The following RSF1 variants were observed in gnomAD, a reference collection of about 807,000 sequenced individuals.
RSF1 encodes remodeling and spacing factor 1, also known as HBV pX-associated protein 8.
In RSF1, 13 loss-of-function variants were observed where a neutral mutation model predicts 145.2. The observed-to-expected ratio is 0.09, with a 90% confidence interval of 0.06 to 0.14. The LOEUF is 0.14. Ranked by LOEUF, RSF1 falls within the 10% of genes least tolerant of loss-of-function variation. The pLI is 1.00. For missense variants in RSF1, 1,517 were observed against 1,718.2 expected (o/e 0.88, Z 2.07); for synonymous variants, 577 against 592.6 (o/e 0.97, Z 0.38).
At chr11:77,808,496 T>A (rs1219471960) in intron 1 of RSF1, among the ~76,000 whole-genome samples, 1 of 150,850 alleles carries the variant, frequency 6.6e-6, no homozygotes, top group African/African-American at 2.4e-5. Context: ...TTGGTTTCAA[T>A]ATATTTTAGT....
At chr11:77,727,691 G>A (rs1464404930) in intron 4 of RSF1, among the ~76,000 whole-genome samples, 1 of 151,956 alleles carries the variant, frequency 6.6e-6, no homozygotes, top group East Asian at 1.9e-4. Flanking sequence ...TGTTGGTCAG[G>A]CTAGTCTCGA....
chr11:77,707,159 C>T (rs1171426381), intron 5 of RSF1, among the ~76,000 whole-genome samples: 4 of 152,164 alleles, frequency 2.6e-5, no homozygotes, highest in Non-Finnish European at 4.4e-5. Context: ...TCTATGTATC[C>T]TACCAGTCTT....
the RSF1 span, among the ~76,000 whole-genome samples, chr11:77,850,093 T>G: frequency 2.0e-5 from 3 of 152,238 alleles, no homozygotes; most frequent in African/African-American, 7.2e-5. Context: ...ATTATAAATG[T>G]CATTAAACAA....
chr11:77,835,100 C>T, the RSF1 span, among the ~76,000 whole-genome samples: 1 of 152,288 alleles, frequency 6.6e-6, no homozygotes, highest in East Asian at 1.9e-4. Flanking sequence ...GGCACATTGC[C>T]TCTTAGAACA....
intron 3 of RSF1, 57 bp from the exon 4 acceptor site, chr11:77,740,993 T>A: frequency 8.0e-7 from 1 of 1,244,016 alleles, no homozygotes; most frequent in Non-Finnish European, 1.2e-6. Flanking sequence ...TCCATCACAG[T>A]AAATATGATA....
chr11:77,849,083 C>T, the RSF1 span, among the ~76,000 whole-genome samples: 1 of 151,108 alleles, frequency 6.6e-6, no homozygotes, highest in African/African-American at 2.4e-5. Context: ...GTCCCCCAGG[C>T]TGGAGTGCAA....
chr11:77,667,903 C>CT (rs1959413331), intron 15 of RSF1, among the ~76,000 whole-genome samples: 1 of 152,048 alleles, frequency 6.6e-6, no homozygotes, highest in African/African-American at 2.4e-5. Flanking sequence ...CGGGGTTTCA[C>CT]TATGTTGGCC....
intron 4 of RSF1, among the ~76,000 whole-genome samples, chr11:77,729,879 C>A (rs1590854530): frequency 1.8e-5 from 1 of 56,606 alleles, no homozygotes. Context: ...GTATAAATGC[C>A]AAATTATTCA....
the RSF1 span, among the ~76,000 whole-genome samples, chr11:77,845,983 TTTG>T: frequency 6.6e-6 from 1 of 152,116 alleles, no homozygotes; most frequent in East Asian, 1.9e-4. Context: ...TCTTAATGTC[TTTG>T]TTGTTTTGTT....
chr11:77,674,152 G>C (rs1377256389), intron 14 of RSF1, among the ~76,000 whole-genome samples: 2 of 152,072 alleles, frequency 1.3e-5, no homozygotes, highest in African/African-American at 4.8e-5. Context: ...CACTGATAAA[G>C]GGGCATGATA....
intron 2 of RSF1, among the ~76,000 whole-genome samples, chr11:77,761,844 T>TG (rs1457197256): frequency 6.8e-6 from 1 of 147,762 alleles, no homozygotes; most frequent in East Asian, 2.0e-4. Flanking sequence ...TTTTTTTTTT[T>TG]TTTTGAGACA....
At chr11:77,802,476 T>C (rs1472745409) in intron 1 of RSF1, among the ~76,000 whole-genome samples, 1 of 152,232 alleles carries the variant, frequency 6.6e-6, no homozygotes, top group African/African-American at 2.4e-5. Context: ...ACCACAAATT[T>C]GGTGTCAGAG....
chr11:77,849,460 G>A, the RSF1 span, among the ~76,000 whole-genome samples: 1 of 152,138 alleles, frequency 6.6e-6, no homozygotes, highest in Non-Finnish European at 1.5e-5. Context: ...CTGACCTCAG[G>A]TGATCTGCCC....
At chr11:77,751,826 G>A (rs936645069) in intron 2 of RSF1, among the ~76,000 whole-genome samples, 18 of 152,218 alleles carry the variant, frequency 1.2e-4, no homozygotes, top group Admixed American at 9.2e-4. Context: ...CCTGTACTGC[G>A]ATAGTTACTG....
At chr11:77,721,962 C>G (rs1447372974) in intron 5 of RSF1, among the ~76,000 whole-genome samples, 3 of 152,152 alleles carry the variant, frequency 2.0e-5, no homozygotes, top group African/African-American at 4.8e-5. Flanking sequence ...TGCTTGAAGT[C>G]AGGAGTTCGA....
At chr11:77,749,990 G>A (rs1258252193) in intron 2 of RSF1, among the ~76,000 whole-genome samples, 1 of 151,822 alleles carries the variant, frequency 6.6e-6, no homozygotes, top group Admixed American at 6.6e-5. Flanking sequence ...CTTGCGATTC[G>A]CCTGGCTTGG....
chr11:77,668,907 G>T (rs1324883389), intron 15 of RSF1, among the ~76,000 whole-genome samples: 2 of 37,282 alleles, frequency 5.4e-5, no homozygotes, highest in Admixed American at 3.8e-4. Context: ...TGCCATCTAT[G>T]TGCTAACGGC....
chr11:77,801,783 C>A (rs1052627599), intron 1 of RSF1, among the ~76,000 whole-genome samples: 1 of 151,956 alleles, frequency 6.6e-6, no homozygotes, highest in Admixed American at 6.6e-5. Context: ...AACTTTCAGC[C>A]CCATCCACTT....
At chr11:77,816,469 T>C (rs949202238) in intron 1 of RSF1, among the ~76,000 whole-genome samples, 1 of 152,208 alleles carries the variant, frequency 6.6e-6, no homozygotes, top group Non-Finnish European at 1.5e-5. Flanking sequence ...AAAATTCAAA[T>C]CATTAAATGC....
Sources: gnomAD v4.1 joint callset for allele counts (sites outside exome capture counted in the v4.1 genomes callset) on GRCh38, gnomAD v4.1.1 for gene constraint, MANE v1.5 for transcripts, NCBI Gene and HGNC (gene_info 2026-07-23, HGNC 2026-07-21) for gene names.